The following POMT2 variants were observed in gnomAD, a reference collection of about 807,000 sequenced individuals.
The protein encoded by POMT2 is protein O-mannosyl-transferase 2.
POMT2 carries 75 observed loss-of-function variants against 100.0 expected under a neutral mutation model. The observed-to-expected ratio is 0.75, with a 90% CI of 0.62 to 0.91. The LOEUF (loss-of-function observed/expected upper bound fraction) is 0.91. Ranked by LOEUF, POMT2 falls within the 40% of genes least tolerant of loss-of-function variation. The probability of loss-of-function intolerance (pLI) is 0.00; values close to 1 mark genes in which losing one functional copy is unlikely to be tolerated. For synonymous variants in POMT2, 378 were observed against 374.1 expected (o/e 1.01, Z -0.12); for missense variants, 940 against 955.1 (o/e 0.98, Z 0.21).
At position 77,276,854 on chromosome 14, in the gene POMT2, C is replaced by T. The variant is rs1889978403; in HGVS notation, c.*522G>A. 6.2e-6 allele frequency: 1 copy of T among 160,334 alleles called. No homozygotes were observed. The highest frequency in any genetic ancestry group is 1.8e-4 in the South Asian group (1 of 5,568). The allele number at this position is 160,334 out of a possible 1,614,324, so 9.9% of individuals were successfully genotyped here. Reference sequence around the variant, plus strand: ...AACTTTGACAGTCCCATCTGCTCTGCCTTTGGTGACATCCCAAGGTGAGGT... The same window carrying T: ...AACTTTGACAGTCCCATCTGCTCTGTCTTTGGTGACATCCCAAGGTGAGGT... On this transcript the variant is annotated 3_prime_UTR_variant, in exon 21 of 21. Transcript: ENST00000261534.
chr14:77,318,856 C>T (rs8015508), intron 1 of POMT2, among the ~76,000 whole-genome samples: 9,401 of 151,968 alleles, frequency 0.062, 424 homozygotes, highest in African/African-American at 0.12. Context: ...CCACCTCAGC[C>T]TCCCGAGTAG....
At position 77,277,174 on chromosome 14, in the gene POMT2, T is replaced by C; in HGVS notation, c.*202A>G. 1 of 603,924 alleles carries C rather than the reference T, an allele frequency of 1.7e-6. No individual in the cohort carries two copies. The highest frequency in any genetic ancestry group is 3.0e-6 in the Non-Finnish European group (1 of 332,730). The allele number at this position is 603,924 out of a possible 1,614,324, so 37.4% of individuals were successfully genotyped here. A position where few individuals can be genotyped will look rare whatever the true frequency, so the allele number is the denominator to read the frequency against. ...AGAGGCGCTGTCCTCTCCGTGGTGC[T>C]GTGGACGGAGCTGCGGCTCTCTCCC... is the stretch of plus-strand genomic sequence containing the variant. On this transcript the variant is annotated 3_prime_UTR_variant, in exon 21 of 21. Transcript: ENST00000261534.
At chr14:77,278,134 G>A (rs1400507612) in intron 20 of POMT2, among the ~76,000 whole-genome samples, 3 of 152,232 alleles carry the variant, frequency 2.0e-5, no homozygotes, top group Non-Finnish European at 4.4e-5. Context: ...CCTTCCAGGT[G>A]CGCTGGGATG....
intron 2 of POMT2, 110 bp downstream of exon 2, chr14:77,311,839 A>T (rs756955622): frequency 1.8e-4 from 262 of 1,486,706 alleles, no homozygotes; most frequent in Non-Finnish European, 2.2e-4. Context: ...AATTCTTTCT[A>T]CAAGTCCCAA....
Position 77,280,193 on chromosome 14 carries a change from A to C in POMT2, c.1726-113T>G. On this transcript the variant is annotated intron_variant, in intron 16 of 20. Coordinates refer to ENST00000261534, the MANE Select transcript of POMT2 (RefSeq NM_013382.7). ...GACAGGGAGCCTGGACACGAACCTC[A>C]GGCTGGCAAATTCTACACGAGCTCT... 5.0e-6 allele frequency: 8 copies of C among 1,588,440 alleles called. No homozygotes were observed. In the South Asian group the frequency reaches 9.0e-5, roughly 18 times the overall value.
intron 11 of POMT2, 133 bp from the exon 12 acceptor site, chr14:77,286,955 A>C: frequency 6.6e-7 from 1 of 1,509,954 alleles, no homozygotes. Context: ...AATCCAACAT[A>C]TCAGGAACTG....
chr14:77,288,003 G>C (rs983611623), intron 11 of POMT2, among the ~76,000 whole-genome samples: 1 of 152,182 alleles, frequency 6.6e-6, no homozygotes, highest in Non-Finnish European at 1.5e-5. Flanking sequence ...TAAGTGGATA[G>C]GGCAGATTTA....
intron 11 of POMT2, chr14:77,287,750 GACA>G (rs963794033): frequency 4.6e-5 from 7 of 152,096 alleles, no homozygotes; most frequent in South Asian, 2.1e-4. Flanking sequence ...GGGAACAAAT[GACA>G]ACGACTTTCC....
chr14:77,277,630 T>C, intron 20 of POMT2, 149 bp from the exon 21 acceptor site: 1 of 721,208 alleles, frequency 1.4e-6, no homozygotes, highest in Non-Finnish European at 2.5e-6. Flanking sequence ...TGAGTCCCAC[T>C]GGGGCACACT....
chr14:77,299,140 G>A (rs200576262), intron 7 of POMT2, among the ~76,000 whole-genome samples: 5 of 152,200 alleles, frequency 3.3e-5, no homozygotes, highest in Non-Finnish European at 5.9e-5. Flanking sequence ...CGGAGTTACT[G>A]TTATTGTTAC....
In POMT2 at chr14:77,302,707, A is replaced by G. The variant is rs553748532; in HGVS notation, c.656+128T>C. The G allele has an allele frequency of 2.2e-4, 164 of 753,492 alleles. 3 individuals are homozygous for G. In the South Asian group the frequency reaches 2.5e-3, roughly 11 times the overall value. The allele number at this position is 753,492 out of a possible 1,614,324, so 46.7% of individuals were successfully genotyped here. A position where few individuals can be genotyped will look rare whatever the true frequency, so the allele number is the denominator to read the frequency against. ...CAATCTAAGTTAAAAAAACAAACAA[A>G]AAGTATGCTTGCCTTAAAATCAGCT... On this transcript the variant is annotated intron_variant, in intron 5 of 20. Coordinates refer to ENST00000261534, the MANE Select transcript of POMT2 (RefSeq NM_013382.7).
At chr14:77,282,454 C>T (rs545984820) in intron 15 of POMT2, among the ~76,000 whole-genome samples, 1 of 152,230 alleles carries the variant, frequency 6.6e-6, no homozygotes, top group Non-Finnish European at 1.5e-5. Context: ...TCTCTCTCCC[C>T]TCCCTGACTC....
intron 9 of POMT2, among the ~76,000 whole-genome samples, chr14:77,294,105 C>A (rs781536035): frequency 1.3e-5 from 2 of 152,078 alleles, no homozygotes; most frequent in African/African-American, 4.8e-5. Flanking sequence ...TCCGTTGATT[C>A]TAAGTGCAGC....
Position 77,275,006 on chromosome 14 carries a change from C to T in POMT2, c.*2370G>A, listed in dbSNP as rs1566639662. The T allele has an allele frequency of 1.3e-5, 2 of 148,290 alleles. No individual in the cohort carries two copies. The highest frequency in any genetic ancestry group is 4.9e-5 in the African/African-American group (2 of 40,448). 9.2% of individuals were successfully genotyped at this position (148,290 alleles called of 1,614,324 possible). A position where few individuals can be genotyped will look rare whatever the true frequency, so the allele number is the denominator to read the frequency against. On this transcript the variant is annotated 3_prime_UTR_variant, in exon 21 of 21. Transcript: ENST00000261534. ...AAATCAGTGGCTTCTGATTAGAAGA[C>T]TTTTTTTTTTTAAACCAAATAGGCT...
At chr14:77,291,441 G>A (rs1471346118) in intron 9 of POMT2, 61 bp from the exon 10 acceptor site, 1 of 1,576,096 alleles carries the variant, frequency 6.3e-7, no homozygotes. Flanking sequence ...ATCACTATCA[G>A]CACAGCTGGC....
In POMT2 at chr14:77,320,454, C is replaced by A. The variant is rs778226799; in HGVS notation, c.228G>T (p.Leu76Phe). 6.5e-7 allele frequency: 1 copy of A among 1,546,406 alleles called. No homozygotes were observed. The highest frequency in any genetic ancestry group is 8.7e-7 in the Non-Finnish European group (1 of 1,146,944). Residue 76 changes from leucine to phenylalanine, a missense_variant, in exon 1 of 21, where the codon TTG (leucine) becomes TTT (phenylalanine). Transcript: ENST00000261534. ...LLSFATRFHR[L>F]DEPPHICWDE... ...CTCACCAGATGTGCGGCGGCTCGTCCAAGCGGTGGAAGCGGGTGGCGAAGG... is the reference window on the plus strand; with the variant it reads ...CTCACCAGATGTGCGGCGGCTCGTCAAAGCGGTGGAAGCGGGTGGCGAAGG...
Position 77,301,252 on chromosome 14 carries a change from G to A in POMT2, c.657-3C>T, listed in dbSNP as rs2139480952. ...ACCACCAGGGGGCAGAGAAGGGCCTGAAAATCAACAAGACGGAGTTCAATT... is the reference window on the plus strand; with the variant it reads ...ACCACCAGGGGGCAGAGAAGGGCCTAAAAATCAACAAGACGGAGTTCAATT... On this transcript the variant is annotated splice_polypyrimidine_tract_variant and splice_region_variant and intron_variant, in intron 5 of 20. Coordinates refer to ENST00000261534, the MANE Select transcript of POMT2 (RefSeq NM_013382.7). 7 of 1,614,146 alleles carry A rather than the reference G, an allele frequency of 4.3e-6. No homozygotes were observed. The highest frequency in any genetic ancestry group is 5.9e-6 in the Non-Finnish European group (7 of 1,180,016).
At chr14:77,299,790 AC>A in intron 6 of POMT2, 1 of 485,304 alleles carries the variant, frequency 2.1e-6, no homozygotes, top group Non-Finnish European at 3.8e-6. Context: ...CAGGCTCTAC[AC>A]CCAAAACCCC....
chr14:77,297,209 G>C (rs568137336), intron 8 of POMT2, among the ~76,000 whole-genome samples: 7 of 152,272 alleles, frequency 4.6e-5, no homozygotes, highest in South Asian at 2.1e-4. Flanking sequence ...GGCCAACCTC[G>C]GCAGCCCTGC....
Sources: allele counts gnomAD v4.1 joint callset (sites outside exome capture counted in the v4.1 genomes callset), GRCh38; gene constraint gnomAD v4.1.1; transcripts MANE v1.5; gene names NCBI Gene and HGNC (gene_info 2026-07-23, HGNC 2026-07-21).